KIAA1217: variants seen among roughly 807,000 people sequenced by gnomAD.
The protein encoded by KIAA1217 is KIAA1217, also known as sickle tail protein homolog.
In KIAA1217, 88 loss-of-function variants were observed where a neutral mutation model predicts 163.9. The observed-to-expected ratio is 0.54, with a 90% CI of 0.45 to 0.64. KIAA1217 has a LOEUF of 0.64. Among genes scored for constraint, KIAA1217 ranks in the 30% least tolerant of loss-of-function variants. The pLI, the probability that KIAA1217 is intolerant of heterozygous loss-of-function variation, is 0.00. For synonymous variants in KIAA1217, 903 were observed against 923.1 expected (o/e 0.98, Z 0.39); for missense variants, 2,372 against 2,475.0 (o/e 0.96, Z 0.88).
At chr10:23,936,925 C>G (rs1454799813) in intron 1 of KIAA1217, among the ~76,000 whole-genome samples, 5 of 152,164 alleles carry the variant, frequency 3.3e-5, no homozygotes, top group Non-Finnish European at 7.3e-5. Context: ...GTCACCCAGA[C>G]TGGAGTGCAG....
At chr10:24,515,597 C>T (rs1477873218) in intron 10 of KIAA1217, among the ~76,000 whole-genome samples, 3 of 152,178 alleles carry the variant, frequency 2.0e-5, no homozygotes, top group Non-Finnish European at 2.9e-5. Context: ...TGAGGATCTT[C>T]AGTCTAGCAA....
At chr10:23,935,897 A>G (rs1319474161) in intron 1 of KIAA1217, among the ~76,000 whole-genome samples, 2 of 152,198 alleles carry the variant, frequency 1.3e-5, no homozygotes, top group African/African-American at 4.8e-5. Flanking sequence ...CCAACAGAAA[A>G]CAGATGGCAC....
chr10:24,205,350 C>G (rs1490525703), upstream of KIAA1217, among the ~76,000 whole-genome samples: 2 of 147,726 alleles, frequency 1.4e-5, no homozygotes, highest in Admixed American at 1.4e-4. Flanking sequence ...TGGCACATGC[C>G]TGTAATCCCA....
chr10:23,851,139 A>G (rs1263635477), intron 1 of KIAA1217, among the ~76,000 whole-genome samples: 2 of 152,026 alleles, frequency 1.3e-5, no homozygotes, highest in African/African-American at 4.8e-5. Flanking sequence ...CATTAGGTAT[A>G]TCTCCTAATG....
intron 1 of KIAA1217, among the ~76,000 whole-genome samples, chr10:23,701,181 G>A (rs1836426312): frequency 6.6e-6 from 1 of 152,162 alleles, no homozygotes; most frequent in South Asian, 2.1e-4. Flanking sequence ...TCCCTCTTCT[G>A]GCCAGAATTG....
intron 1 of KIAA1217, among the ~76,000 whole-genome samples, chr10:23,880,268 T>TA (rs564767243): frequency 2.9e-4 from 44 of 150,688 alleles, no homozygotes; most frequent in African/African-American, 9.2e-4. Flanking sequence ...AATTCTACCA[T>TA]AAAAAAAAAT....
chr10:23,824,658 A>AATATATAT (rs1199680251), intron 1 of KIAA1217, among the ~76,000 whole-genome samples: 44 of 53,042 alleles, frequency 8.3e-4, no homozygotes, highest in African/African-American at 1.3e-3. Flanking sequence ...AAATAAAAAA[A>AATATATAT]ATATATATAT....
At chr10:23,981,385 C>T (rs185093458) in intron 1 of KIAA1217, among the ~76,000 whole-genome samples, 7 of 152,242 alleles carry the variant, frequency 4.6e-5, no homozygotes, top group Non-Finnish European at 1.0e-4. Context: ...ATTTAGTCAA[C>T]CAAAATGTTA....
intron 2 of KIAA1217, among the ~76,000 whole-genome samples, chr10:24,331,731 A>G (rs1034582941): frequency 6.6e-6 from 1 of 152,252 alleles, no homozygotes; most frequent in Non-Finnish European, 1.5e-5. Flanking sequence ...CAAGGGAAAC[A>G]TTCTTTAAAT....
chr10:24,059,218 G>C (rs928529380), intron 2 of KIAA1217, among the ~76,000 whole-genome samples: 79 of 151,956 alleles, frequency 5.2e-4, no homozygotes, highest in African/African-American at 1.8e-3. Context: ...TGCACCCTAG[G>C]GATAAATTTC....
At chr10:23,700,405 A>T (rs961971357) in intron 1 of KIAA1217, among the ~76,000 whole-genome samples, 18 of 152,240 alleles carry the variant, frequency 1.2e-4, no homozygotes, top group Middle Eastern at 3.4e-3. Context: ...CCCAAAGTCT[A>T]GATTCCATAC....
intron 1 of KIAA1217, among the ~76,000 whole-genome samples, chr10:23,992,612 T>C (rs1475278820): frequency 1.3e-5 from 2 of 150,994 alleles, no homozygotes; most frequent in African/African-American, 4.9e-5. Flanking sequence ...CATTTCTTTT[T>C]TTTTTTTTTT....
chr10:24,223,055 C>T (rs527813538), intron 2 of KIAA1217, among the ~76,000 whole-genome samples: 1 of 152,188 alleles, frequency 6.6e-6, no homozygotes, highest in East Asian at 1.9e-4. Flanking sequence ...CTCTTGTGGC[C>T]ATGTTGGTTT....
At chr10:23,788,079 T>C (rs976873764) in intron 1 of KIAA1217, among the ~76,000 whole-genome samples, 3 of 152,056 alleles carry the variant, frequency 2.0e-5, no homozygotes, top group Non-Finnish European at 4.4e-5. Context: ...ACACCTGTAG[T>C]CCCAGCTACT....
At chr10:24,156,405 A>G (rs180855151) in intron 2 of KIAA1217, among the ~76,000 whole-genome samples, 4 of 152,300 alleles carry the variant, frequency 2.6e-5, no homozygotes, top group East Asian at 3.9e-4. Context: ...GTTTGGGGCT[A>G]TTGCAGATAA....
At chr10:24,363,567 GT>G (rs1176059578) in intron 2 of KIAA1217, among the ~76,000 whole-genome samples, 1,691 of 128,344 alleles carry the variant, frequency 0.013, 29 homozygotes, top group African/African-American at 0.039. Context: ...TTTTGTTTTT[GT>G]TTTTTTTTTT....
chr10:24,035,730 T>C (rs1848369133), intron 2 of KIAA1217, among the ~76,000 whole-genome samples: 1 of 152,212 alleles, frequency 6.6e-6, no homozygotes, highest in Non-Finnish European at 1.5e-5. Flanking sequence ...AGAAAGTTTG[T>C]TTGAAGCCCA....
chr10:24,003,432 A>G (rs1447025366), intron 1 of KIAA1217, among the ~76,000 whole-genome samples: 3 of 151,856 alleles, frequency 2.0e-5, no homozygotes, highest in Admixed American at 6.6e-5. Flanking sequence ...GCTTTTTTTT[A>G]TGTTTTTTGG....
chr10:24,341,759 T>A (rs1199103201), intron 2 of KIAA1217, among the ~76,000 whole-genome samples: 1 of 152,204 alleles, frequency 6.6e-6, no homozygotes, highest in East Asian at 1.9e-4. Context: ...TGCTAACTAA[T>A]AGCCTTAGAC....
Sources: gnomAD v4.1 joint callset for allele counts (sites outside exome capture counted in the v4.1 genomes callset) on GRCh38, gnomAD v4.1.1 for gene constraint, MANE v1.5 for transcripts, NCBI Gene and HGNC (gene_info 2026-07-23, HGNC 2026-07-21) for gene names.